Variants in ZNF407 observed in about 807,000 individuals in gnomAD.
ZNF407 encodes the protein zinc finger protein 407.
Under a neutral mutation model 131.2 loss-of-function variants are expected in ZNF407, and 17 were observed. The ratio of observed to expected loss-of-function variants is 0.13; its 90% CI spans 0.09 to 0.19. The LOEUF is 0.19. Among genes scored for constraint, ZNF407 ranks in the 10% least tolerant of loss-of-function variants. The probability of loss-of-function intolerance (pLI) is 1.00; values close to 1 mark genes in which losing one functional copy is unlikely to be tolerated. For missense variants in ZNF407, 2,681 were observed against 2,830.6 expected (o/e 0.95, Z 1.20); for synonymous variants, 1,156 against 1,062.0 (o/e 1.09, Z -1.72).
intron 4 of ZNF407, among the ~76,000 whole-genome samples, chr18:74,837,147 G>A (rs1158788950): frequency 6.6e-6 from 1 of 152,134 alleles, no homozygotes; most frequent in Non-Finnish European, 1.5e-5. Flanking sequence ...TGTTGAAAGT[G>A]TATTTACACA....
chr18:74,642,947 A>G (rs1984791491), intron 3 of ZNF407, among the ~76,000 whole-genome samples: 1 of 152,134 alleles, frequency 6.6e-6, no homozygotes, highest in Admixed American at 6.6e-5. Flanking sequence ...TTAGGTAGCA[A>G]TAATTTTAAC....
At chr18:74,707,661 G>T (rs976022107) in intron 3 of ZNF407, among the ~76,000 whole-genome samples, 4 of 152,118 alleles carry the variant, frequency 2.6e-5, no homozygotes, top group Admixed American at 6.6e-5. Flanking sequence ...AGACTTTCTT[G>T]TCCCATTAAA....
At chr18:74,895,106 A>G (rs1971436047) in intron 7 of ZNF407, among the ~76,000 whole-genome samples, 1 of 152,086 alleles carries the variant, frequency 6.6e-6, no homozygotes, top group Non-Finnish European at 1.5e-5. Flanking sequence ...TCATTTTGCT[A>G]AATTTGTTGG....
chr18:75,044,800 T>G (rs1280632876), intron 8 of ZNF407, among the ~76,000 whole-genome samples: 1 of 152,204 alleles, frequency 6.6e-6, no homozygotes, highest in Non-Finnish European at 1.5e-5. Context: ...TTTATGTGTG[T>G]TGCTGTTTAA....
At chr18:75,054,380 CTG>C (rs1973537397) in intron 8 of ZNF407, among the ~76,000 whole-genome samples, 1 of 152,216 alleles carries the variant, frequency 6.6e-6, no homozygotes, top group Admixed American at 6.5e-5. Context: ...AGACAAATGT[CTG>C]TTTCCTCTCA....
chr18:74,834,951 T>G (rs1475477652), intron 4 of ZNF407, among the ~76,000 whole-genome samples: 2 of 152,196 alleles, frequency 1.3e-5, no homozygotes, highest in Non-Finnish European at 2.9e-5. Context: ...TCCTTTTTGC[T>G]TCTTAGATTT....
chr18:74,937,365 A>G (rs892684303), intron 8 of ZNF407, among the ~76,000 whole-genome samples: 5 of 152,226 alleles, frequency 3.3e-5, no homozygotes, highest in Non-Finnish European at 7.3e-5. Flanking sequence ...ATTTAATGGT[A>G]TGGTAGAAAA....
chr18:74,797,665 T>G (rs1969945619), intron 4 of ZNF407, among the ~76,000 whole-genome samples: 1 of 152,226 alleles, frequency 6.6e-6, no homozygotes, highest in African/African-American at 2.4e-5. Context: ...GACAGTAATT[T>G]TGAGCAATTT....
chr18:74,650,100 C>A (rs1405224259), intron 3 of ZNF407, among the ~76,000 whole-genome samples: 4 of 152,162 alleles, frequency 2.6e-5, no homozygotes. Flanking sequence ...CTAAAATCAG[C>A]TGGATTGTCA....
chr18:74,748,970 A>G (rs1367665541), intron 3 of ZNF407, among the ~76,000 whole-genome samples: 3 of 152,152 alleles, frequency 2.0e-5, no homozygotes, highest in Non-Finnish European at 2.9e-5. Flanking sequence ...CTGACCATAA[A>G]AAGTTCATCA....
chr18:74,827,534 C>T (rs1459575851), intron 4 of ZNF407, among the ~76,000 whole-genome samples: 3 of 152,050 alleles, frequency 2.0e-5, no homozygotes, highest in Non-Finnish European at 4.4e-5. Flanking sequence ...ATCAAGCCAC[C>T]TCATGTGTCC....
intron 8 of ZNF407, among the ~76,000 whole-genome samples, chr18:74,954,003 GAC>G (rs140067551): frequency 0.011 from 1,652 of 152,256 alleles, 33 homozygotes; most frequent in African/African-American, 0.037. Flanking sequence ...CGTGCACGTG[GAC>G]ACACACTTTT....
chr18:74,800,920 A>T (rs1164201078), intron 4 of ZNF407, among the ~76,000 whole-genome samples: 1 of 152,140 alleles, frequency 6.6e-6, no homozygotes, highest in Non-Finnish European at 1.5e-5. Flanking sequence ...CATTATTTGT[A>T]ACTCAAACAT....
At chr18:74,748,771 G>C (rs1266549573) in intron 3 of ZNF407, among the ~76,000 whole-genome samples, 3 of 152,158 alleles carry the variant, frequency 2.0e-5, no homozygotes, top group African/African-American at 7.2e-5. Context: ...ACATTATTAA[G>C]TATGGGAATT....
At chr18:75,008,685 T>C (rs975712465) in intron 8 of ZNF407, among the ~76,000 whole-genome samples, 2 of 152,232 alleles carry the variant, frequency 1.3e-5, no homozygotes, top group Admixed American at 1.3e-4. Flanking sequence ...AAGATGAATA[T>C]ATATGTGTGA....
chr18:74,894,161 G>T (rs769387304), intron 7 of ZNF407, among the ~76,000 whole-genome samples: 29 of 152,164 alleles, frequency 1.9e-4, no homozygotes, highest in Admixed American at 1.4e-3. Flanking sequence ...ATGTAAACGT[G>T]TACCTCCTTC....
intron 1 of ZNF407, among the ~76,000 whole-genome samples, chr18:74,616,820 ACGCATC>A (rs1983310728): frequency 5.4e-5 from 3 of 55,564 alleles, no homozygotes; most frequent in African/African-American, 1.5e-4. Context: ...CACACACCAC[ACGCATC>A]CATATCCACG....
intron 4 of ZNF407, among the ~76,000 whole-genome samples, chr18:74,826,055 T>A (rs1418335445): frequency 1.3e-5 from 2 of 152,226 alleles, no homozygotes; most frequent in Non-Finnish European, 2.9e-5. Flanking sequence ...TTTCTTGTCA[T>A]TCAATAAATA....
chr18:75,043,404 C>A (rs1973396535), intron 8 of ZNF407, among the ~76,000 whole-genome samples: 1 of 152,222 alleles, frequency 6.6e-6, no homozygotes, highest in Non-Finnish European at 1.5e-5. Context: ...CTCTACATAA[C>A]AGCCTGCCAG....
Sources: allele counts gnomAD v4.1 joint callset (sites outside exome capture counted in the v4.1 genomes callset), GRCh38; gene constraint gnomAD v4.1.1; transcripts MANE v1.5; gene names NCBI Gene and HGNC (gene_info 2026-07-23, HGNC 2026-07-21).